The following NBEAL1 variants were observed in gnomAD, a reference collection of about 807,000 sequenced individuals.
NBEAL1 encodes the protein neurobeachin like 1.
A neutral mutation model predicts 351.3 loss-of-function variants in NBEAL1; 273 were observed. The ratio of observed to expected loss-of-function variants is 0.78; its 90% CI spans 0.70 to 0.86. The LOEUF is 0.86. NBEAL1 is among the 40% of genes least tolerant of loss of function. The pLI, the probability that NBEAL1 is intolerant of heterozygous loss-of-function variation, is 0.00. For synonymous variants in NBEAL1, 1,050 were observed against 1,086.4 expected, an observed-to-expected ratio of 0.97 and a Z score of 0.66; for missense variants, 2,961 against 3,201.3, an observed-to-expected ratio of 0.92 and a Z score of 1.81.
chr2:203,097,804 A>G (rs761420136), intron 11 of NBEAL1, among the ~76,000 whole-genome samples, 171 bp downstream of exon 11: 12 of 152,206 alleles, frequency 7.9e-5, no homozygotes, highest in African/African-American at 2.9e-4. Context: ...CTTTCATCTA[A>G]AGGATAAATA....
intron 18 of NBEAL1, among the ~76,000 whole-genome samples, chr2:203,120,605 G>C (rs1440398890): frequency 6.6e-6 from 1 of 152,174 alleles, no homozygotes; most frequent in Non-Finnish European, 1.5e-5. Flanking sequence ...AGCAAGAGGA[G>C]ATGAGACTAG....
intron 48 of NBEAL1, 34 bp downstream of exon 48, chr2:203,197,425 G>C (rs1249501957): frequency 7.8e-7 from 1 of 1,278,774 alleles, no homozygotes; most frequent in Non-Finnish European, 1.1e-6. Context: ...ACACTGCTAT[G>C]CCTATATTCA....
chr2:203,092,063 T>A (rs1164631122), intron 10 of NBEAL1, among the ~76,000 whole-genome samples: 1 of 152,202 alleles, frequency 6.6e-6, no homozygotes, highest in Non-Finnish European at 1.5e-5. Context: ...TCTAGTAGAA[T>A]TACTAGGTCA....
intron 45 of NBEAL1, 110 bp downstream of exon 45, chr2:203,188,699 A>G: frequency 1.6e-6 from 1 of 618,708 alleles, no homozygotes; most frequent in Non-Finnish European, 2.8e-6. Flanking sequence ...TACATTTTAA[A>G]AACATCTTTT....
intron 46 of NBEAL1, 88 bp from the exon 47 acceptor site, chr2:203,193,707 G>A: frequency 1.3e-6 from 1 of 793,232 alleles, no homozygotes; most frequent in Admixed American, 2.3e-5. Context: ...GTAATTCATT[G>A]TAGCTAGAGC....
chr2:203,060,651 G>A lies in NBEAL1; in HGVS notation c.515+3198G>A, dbSNP rs114245230. On this transcript the variant is annotated intron_variant, in intron 6 of 55. Coordinates refer to ENST00000683969, the MANE Select transcript of NBEAL1 (RefSeq NM_001378026.1). ...AGAGTATCTACGGAATTTTCACATC[G>A]ATGTTTTCTTGCGAAAGTGGAAATC... is the stretch of plus-strand genomic sequence containing the variant. 7.4e-3 allele frequency among the ~76,000 whole-genome samples: 1,120 copies of A among 152,174 alleles called. 7 individuals are homozygous for A. The highest frequency in any genetic ancestry group is 0.01 in the Non-Finnish European group (692 of 67,988).
intron 2 of NBEAL1, among the ~76,000 whole-genome samples, chr2:203,026,858 G>A (rs114160097): frequency 2.0e-5 from 3 of 152,230 alleles, no homozygotes; most frequent in African/African-American, 7.2e-5. Flanking sequence ...TTTTAAGTAG[G>A]TTCATTTGGA....
At chr2:203,083,086 G>C (rs1427649768) in intron 8 of NBEAL1, 133 bp from the exon 9 acceptor site, 1 of 730,040 alleles carries the variant, frequency 1.4e-6, no homozygotes, top group East Asian at 2.7e-5. Flanking sequence ...GTGGCTATCA[G>C]AGTATCTGTT....
chr2:203,202,957 T>A (rs1005611417), intron 51 of NBEAL1, among the ~76,000 whole-genome samples, 176 bp downstream of exon 51: 5 of 152,230 alleles, frequency 3.3e-5, no homozygotes, highest in African/African-American at 1.2e-4. Flanking sequence ...GTTTACTGTC[T>A]GATTCATTAC....
At chr2:203,110,731 T>C (rs560307988) in intron 15 of NBEAL1, among the ~76,000 whole-genome samples, 1 of 143,714 alleles carries the variant, frequency 7.0e-6, no homozygotes, top group Non-Finnish European at 1.5e-5. Flanking sequence ...AACGTTAGGA[T>C]GTCTTAAGGT....
At chr2:203,133,868 T>C (rs2063135752) in intron 27 of NBEAL1, among the ~76,000 whole-genome samples, 2 of 151,872 alleles carry the variant, frequency 1.3e-5, no homozygotes, top group Non-Finnish European at 2.9e-5. Flanking sequence ...AATTTCCTTT[T>C]CTCTTTAATG....
chr2:203,190,707 T>C, intron 46 of NBEAL1: 1 of 1,568,844 alleles, frequency 6.4e-7, no homozygotes, highest in Non-Finnish European at 8.6e-7. Flanking sequence ...GGCTTTCGGC[T>C]CGGAGGAGGC....
At chr2:203,078,013 G>A (rs1024883726) in intron 8 of NBEAL1, among the ~76,000 whole-genome samples, 176 bp downstream of exon 8, 6 of 151,878 alleles carry the variant, frequency 4.0e-5, no homozygotes, top group African/African-American at 1.5e-4. Flanking sequence ...GTAATATTTA[G>A]CACTGACAAT....
intron 18 of NBEAL1, among the ~76,000 whole-genome samples, chr2:203,118,883 T>C (rs1018580933): frequency 2.6e-5 from 4 of 151,962 alleles, no homozygotes; most frequent in Admixed American, 2.0e-4. Context: ...GCCACCGCAC[T>C]GGGCCTGACT....
intron 43 of NBEAL1, chr2:203,182,092 A>G (rs1000739500): frequency 6.6e-6 from 1 of 152,238 alleles, no homozygotes; most frequent in African/African-American, 2.4e-5. Context: ...TAAAAAGCAA[A>G]GAAAAACAGA....
At chr2:203,128,412 G>A (rs926942638) in intron 24 of NBEAL1, among the ~76,000 whole-genome samples, 35 of 151,538 alleles carry the variant, frequency 2.3e-4, no homozygotes, top group Admixed American at 2.6e-4. Flanking sequence ...CAGGCCAGAA[G>A]TAAATTTTAT....
intron 49 of NBEAL1, 56 bp from the exon 50 acceptor site, chr2:203,201,487 C>A: frequency 2.3e-6 from 3 of 1,328,138 alleles, no homozygotes; most frequent in South Asian, 2.4e-5. Flanking sequence ...AAGAATAGTT[C>A]ACATCAGTAT....
chr2:203,057,947 A>G (rs2061432559), intron 6 of NBEAL1, among the ~76,000 whole-genome samples: 1 of 151,618 alleles, frequency 6.6e-6, no homozygotes, highest in African/African-American at 2.4e-5. Context: ...AGGTTCGAGC[A>G]GTACTCCTGC....
At chr2:203,124,454 A>G (rs1187467220) in intron 19 of NBEAL1, among the ~76,000 whole-genome samples, 1 of 152,228 alleles carries the variant, frequency 6.6e-6, no homozygotes, top group Non-Finnish European at 1.5e-5. Flanking sequence ...GTTTTGTTAA[A>G]TAAGTAGATT....
Sources: allele counts gnomAD v4.1 joint callset (sites outside exome capture counted in the v4.1 genomes callset), GRCh38; gene constraint gnomAD v4.1.1; transcripts MANE v1.5; gene names NCBI Gene and HGNC (gene_info 2026-07-23, HGNC 2026-07-21).